ADAMTS19: variants seen among roughly 807,000 people sequenced by gnomAD.
The protein encoded by ADAMTS19 is A disintegrin and metalloproteinase with thrombospondin motifs 19.
ADAMTS19 carries 93 observed loss-of-function variants against 153.3 expected under a neutral mutation model. The observed-to-expected ratio is 0.61, with a 90% CI of 0.51 to 0.72. The LOEUF (loss-of-function observed/expected upper bound fraction) is 0.72, where lower values mean the gene tolerates loss of function less well. ADAMTS19 is among the 30% of genes least tolerant of loss of function. The pLI, the probability that ADAMTS19 is intolerant of heterozygous loss-of-function variation, is 0.00. For synonymous variants in ADAMTS19, 600 were observed against 556.6 expected (o/e 1.08, Z -1.10); for missense variants, 1,482 against 1,552.1 (o/e 0.95, Z 0.76).
At chr5:129,547,681 G>A (rs1381016778) in intron 6 of ADAMTS19, among the ~76,000 whole-genome samples, 7 of 150,462 alleles carry the variant, frequency 4.7e-5, no homozygotes, top group African/African-American at 1.8e-4. Context: ...CTACTTTAAA[G>A]TTCATATGGA....
intron 6 of ADAMTS19, among the ~76,000 whole-genome samples, chr5:129,550,062 G>A (rs1753033764): frequency 1.4e-5 from 1 of 70,594 alleles, no homozygotes; most frequent in South Asian, 4.9e-4. Flanking sequence ...GTATATGTAT[G>A]TATCTAGATA....
intron 8 of ADAMTS19, among the ~76,000 whole-genome samples, chr5:129,598,080 C>T (rs1270841545): frequency 6.6e-6 from 1 of 151,986 alleles, no homozygotes; most frequent in East Asian, 1.9e-4. Context: ...AGGGAGGGCT[C>T]TTTAGTTAAA....
chr5:129,695,416 C>G (rs940682271), intron 19 of ADAMTS19, among the ~76,000 whole-genome samples: 1 of 152,088 alleles, frequency 6.6e-6, no homozygotes, highest in Non-Finnish European at 1.5e-5. Context: ...CTGACACCCC[C>G]CAATGAGTAT....
At chr5:129,509,577 C>T (rs1313501594) in intron 3 of ADAMTS19, among the ~76,000 whole-genome samples, 1 of 151,942 alleles carries the variant, frequency 6.6e-6, no homozygotes, top group Non-Finnish European at 1.5e-5. Flanking sequence ...AAACTGAATA[C>T]TGTGAGCTCA....
chr5:129,720,891 G>A (rs1756976323), intron 21 of ADAMTS19, among the ~76,000 whole-genome samples: 1 of 152,146 alleles, frequency 6.6e-6, no homozygotes, highest in Admixed American at 6.5e-5. Flanking sequence ...CATGATAATG[G>A]CTAGCTTATA....
chr5:129,655,013 A>G (rs25809), intron 14 of ADAMTS19, among the ~76,000 whole-genome samples: 72,541 of 152,052 alleles, frequency 0.48, 19,947 homozygotes, highest in African/African-American at 0.76. Flanking sequence ...ATTATGAAGA[A>G]CATAGTGGAG....
At chr5:129,685,989 T>A (rs1046790616) in intron 18 of ADAMTS19, among the ~76,000 whole-genome samples, 3 of 152,138 alleles carry the variant, frequency 2.0e-5, no homozygotes, top group African/African-American at 7.2e-5. Flanking sequence ...GGCTGAGAGT[T>A]AGGGTGGAAA....
At chr5:129,701,724 T>A in intron 20 of ADAMTS19, 132 bp downstream of exon 20, 1 of 629,698 alleles carries the variant, frequency 1.6e-6, no homozygotes. Flanking sequence ...TTGTTGATGA[T>A]TAAAGGAATA....
chr5:129,670,175 G>C (rs144152761), intron 16 of ADAMTS19, among the ~76,000 whole-genome samples: 1 of 151,922 alleles, frequency 6.6e-6, no homozygotes, highest in African/African-American at 2.4e-5. Context: ...ACATTGTCCT[G>C]CTTTATTTTC....
intron 19 of ADAMTS19, among the ~76,000 whole-genome samples, chr5:129,700,183 T>C (rs1175056336): frequency 6.6e-6 from 1 of 152,154 alleles, no homozygotes; most frequent in African/African-American, 2.4e-5. Context: ...TTTGGGCAGG[T>C]GTTTAGTGGT....
chr5:129,634,323 A>G (rs1386220988), intron 10 of ADAMTS19, among the ~76,000 whole-genome samples: 2 of 152,218 alleles, frequency 1.3e-5, no homozygotes, highest in Non-Finnish European at 2.9e-5. Context: ...GCTTATGTAT[A>G]GGAAGAATCA....
intron 7 of ADAMTS19, among the ~76,000 whole-genome samples, chr5:129,569,250 A>G (rs1363644245): frequency 6.6e-6 from 1 of 152,144 alleles, no homozygotes; most frequent in Non-Finnish European, 1.5e-5. Flanking sequence ...GAGGGACATT[A>G]CATAATATTA....
At chr5:129,712,107 G>T (rs557224332) in intron 21 of ADAMTS19, among the ~76,000 whole-genome samples, 2 of 152,038 alleles carry the variant, frequency 1.3e-5, no homozygotes, top group East Asian at 1.9e-4. Context: ...ATTCAAAATT[G>T]GTTTCTAATT....
At chr5:129,465,191 C>T (rs1297864378) in intron 2 of ADAMTS19, among the ~76,000 whole-genome samples, 1 of 151,982 alleles carries the variant, frequency 6.6e-6, no homozygotes, top group African/African-American at 2.4e-5. Flanking sequence ...AAATACAACA[C>T]ATGAAGTACT....
At chr5:129,735,156 T>TTA in intron 22 of ADAMTS19, 47 bp downstream of exon 22, 1 of 1,462,290 alleles carries the variant, frequency 6.8e-7, no homozygotes, top group Non-Finnish European at 9.1e-7. Flanking sequence ...ATAGAAATGC[T>TTA]TATGGCTTCT....
At chr5:129,524,213 T>G (rs187087479) in intron 3 of ADAMTS19, among the ~76,000 whole-genome samples, 313 of 152,086 alleles carry the variant, frequency 2.1e-3, no homozygotes, top group African/African-American at 6.7e-3. Flanking sequence ...GTGGTGAAAG[T>G]ATTCCCTATT....
chr5:129,661,244 A>C (rs898150213), intron 15 of ADAMTS19, among the ~76,000 whole-genome samples: 1 of 152,196 alleles, frequency 6.6e-6, no homozygotes, highest in Non-Finnish European at 1.5e-5. Context: ...ATGAGAAAAA[A>C]AATCATGCTA....
intron 17 of ADAMTS19, among the ~76,000 whole-genome samples, chr5:129,680,373 T>G (rs1218446990): frequency 6.6e-6 from 1 of 152,140 alleles, no homozygotes; most frequent in Non-Finnish European, 1.5e-5. Context: ...TTAACAGTGC[T>G]CCCCATCACC....
rs558213713 is a variant in ADAMTS19 at position 129,628,368 on chromosome 5, TG to T, written c.1770+6023del. Among the ~76,000 whole-genome samples, 5 of 152,180 alleles carry T rather than the reference TG, an allele frequency of 3.3e-5. No homozygotes were observed. In the East Asian group the frequency reaches 9.6e-4, roughly 29 times the overall value. On this transcript the variant is annotated intron_variant, in intron 10 of 22. Transcript: ENST00000274487. ...ACTATTGAGTACTAGGCTTAGTACG[TG>T]GGTGATGAAATCATCTGTACAACAA...
Sources: allele counts gnomAD v4.1 joint callset (sites outside exome capture counted in the v4.1 genomes callset), GRCh38; gene constraint gnomAD v4.1.1; transcripts MANE v1.5; gene names NCBI Gene and HGNC (gene_info 2026-07-23, HGNC 2026-07-21).